KCNH7: variants seen among roughly 807,000 people sequenced by gnomAD.
KCNH7 encodes the protein voltage-gated inwardly rectifying potassium channel KCNH7.
KCNH7 carries 49 observed loss-of-function variants against 120.8 expected under a neutral mutation model. The ratio of observed to expected loss-of-function variants is 0.41; its 90% CI spans 0.32 to 0.51. The LOEUF (loss-of-function observed/expected upper bound fraction) is 0.51, where lower values mean the gene tolerates loss of function less well. KCNH7 is among the 20% of genes least tolerant of loss of function. The pLI is 0.38. For synonymous variants in KCNH7, 547 were observed against 516.1 expected, an observed-to-expected ratio of 1.06 and a Z score of -0.81; for missense variants, 1,097 against 1,446.6, an observed-to-expected ratio of 0.76 and a Z score of 3.92.
At chr2:162,596,312 AG>A (rs1694378525) in intron 2 of KCNH7, among the ~76,000 whole-genome samples, 1 of 152,032 alleles carries the variant, frequency 6.6e-6, no homozygotes, top group Admixed American at 6.6e-5. Context: ...CATATTACCA[AG>A]TTATAGCAAT....
At chr2:162,758,635 A>T (rs564872658) in intron 2 of KCNH7, among the ~76,000 whole-genome samples, 1 of 152,074 alleles carries the variant, frequency 6.6e-6, no homozygotes, top group Non-Finnish European at 1.5e-5. Context: ...ATATACCCAT[A>T]GTTGTATTGT....
intron 2 of KCNH7, among the ~76,000 whole-genome samples, chr2:162,665,049 A>G (rs751352327): frequency 1.3e-5 from 2 of 152,158 alleles, no homozygotes; most frequent in Non-Finnish European, 2.9e-5. Context: ...GTAATCATTT[A>G]TTATTAACTT....
chr2:162,520,814 T>C (rs1165716699), intron 3 of KCNH7, among the ~76,000 whole-genome samples: 3 of 151,718 alleles, frequency 2.0e-5, no homozygotes, highest in Non-Finnish European at 4.4e-5. Flanking sequence ...TATTGCACAA[T>C]TCCACCCTTC....
chr2:162,673,057 A>ACATGC, intron 2 of KCNH7, among the ~76,000 whole-genome samples: 1 of 152,088 alleles, frequency 6.6e-6, no homozygotes, highest in East Asian at 1.9e-4. Context: ...AATACTTTAT[A>ACATGC]ATAGTTCCAC....
intron 2 of KCNH7, among the ~76,000 whole-genome samples, chr2:162,737,448 G>A (rs970978392): frequency 6.6e-6 from 1 of 152,038 alleles, no homozygotes; most frequent in African/African-American, 2.4e-5. Context: ...AGCATTCTCA[G>A]AAATATTTGA....
chr2:162,772,426 C>T (rs1683089693), intron 2 of KCNH7, among the ~76,000 whole-genome samples: 1 of 152,132 alleles, frequency 6.6e-6, no homozygotes, highest in Non-Finnish European at 1.5e-5. Flanking sequence ...AAAAAGACAA[C>T]ATATATTATC....
chr2:162,807,388 T>TCCTGCCCTCCAGCGGCTC (rs1324251982), intron 2 of KCNH7, among the ~76,000 whole-genome samples: 14 of 150,246 alleles, frequency 9.3e-5, no homozygotes, highest in Non-Finnish European at 1.8e-4. Context: ...AATGAGCCGA[T>TCCTGCCCTCCAGCGGCTC]ATGGTGCCAC....
intron 2 of KCNH7, among the ~76,000 whole-genome samples, chr2:162,769,964 C>A (rs1047878236): frequency 6.6e-6 from 1 of 151,998 alleles, no homozygotes; most frequent in African/African-American, 2.4e-5. Flanking sequence ...TGGTACAATA[C>A]AAAAGCAAAG....
intron 2 of KCNH7, among the ~76,000 whole-genome samples, chr2:162,658,194 A>AT (rs1156272516): frequency 2.0e-5 from 3 of 151,234 alleles, no homozygotes; most frequent in African/African-American, 4.8e-5. Flanking sequence ...AATTATTGTT[A>AT]TTTTTTTATT....
chr2:162,436,806 AG>A (rs1688255246), intron 7 of KCNH7, among the ~76,000 whole-genome samples: 1 of 152,140 alleles, frequency 6.6e-6, no homozygotes, highest in Non-Finnish European at 1.5e-5. Context: ...ATATTAAAAA[AG>A]CTTTTTCATT....
intron 7 of KCNH7, among the ~76,000 whole-genome samples, chr2:162,438,174 A>T (rs1688312436): frequency 6.6e-6 from 1 of 152,178 alleles, no homozygotes; most frequent in Non-Finnish European, 1.5e-5. Flanking sequence ...CTTTAAAATA[A>T]ATGAGCTGTT....
chr2:162,806,631 A>G (rs1158513969), intron 2 of KCNH7, among the ~76,000 whole-genome samples: 1 of 152,186 alleles, frequency 6.6e-6, no homozygotes, highest in African/African-American at 2.4e-5. Context: ...TATTCTCTTA[A>G]ATTCAGCAAC....
chr2:162,738,619 C>T (rs1688004587), intron 2 of KCNH7, among the ~76,000 whole-genome samples: 1 of 152,124 alleles, frequency 6.6e-6, no homozygotes, highest in South Asian at 2.1e-4. Flanking sequence ...TGATAGAGCA[C>T]ATTGGACAAA....
intron 2 of KCNH7, among the ~76,000 whole-genome samples, chr2:162,640,813 A>G (rs1473798400): frequency 6.6e-6 from 1 of 152,116 alleles, no homozygotes; most frequent in African/African-American, 2.4e-5. Context: ...ATATGTAAAG[A>G]CCTCTCAAAG....
At chr2:162,661,012 A>G (rs1397115581) in intron 2 of KCNH7, among the ~76,000 whole-genome samples, 5 of 152,216 alleles carry the variant, frequency 3.3e-5, no homozygotes, top group Non-Finnish European at 5.9e-5. Context: ...TCTATCTTAC[A>G]GTAACTTTTA....
At chr2:162,409,913 G>T (rs917781322) in intron 9 of KCNH7, among the ~76,000 whole-genome samples, 1 of 151,894 alleles carries the variant, frequency 6.6e-6, no homozygotes, top group African/African-American at 2.4e-5. Flanking sequence ...ACAAAATACT[G>T]CTGGAAGAAA....
chr2:162,445,974 T>C (rs1412557312), intron 7 of KCNH7, 44 bp downstream of exon 7: 1 of 1,443,280 alleles, frequency 6.9e-7, no homozygotes, highest in African/African-American at 1.4e-5. Flanking sequence ...TTCACTTTTA[T>C]AATTGCAATC....
intron 2 of KCNH7, among the ~76,000 whole-genome samples, chr2:162,670,755 A>G (rs1419421459): frequency 1.3e-5 from 2 of 151,964 alleles, no homozygotes; most frequent in Admixed American, 1.3e-4. Context: ...AATTTAAAAA[A>G]CACAAGAAAG....
At chr2:162,586,578 G>C (rs1694029117) in intron 2 of KCNH7, among the ~76,000 whole-genome samples, 1 of 151,542 alleles carries the variant, frequency 6.6e-6, no homozygotes, top group Non-Finnish European at 1.5e-5. Flanking sequence ...AATGGTTTTT[G>C]TTTTAAGCCA....
Sources: gnomAD v4.1 joint callset for allele counts (sites outside exome capture counted in the v4.1 genomes callset) on GRCh38, gnomAD v4.1.1 for gene constraint, MANE v1.5 for transcripts, NCBI Gene and HGNC (gene_info 2026-07-23, HGNC 2026-07-21) for gene names.